The following ASTN2 variants were observed in gnomAD, a reference collection of about 807,000 sequenced individuals.
ASTN2 encodes astrotactin-2.
In ASTN2, 54 loss-of-function variants were observed where a neutral mutation model predicts 139.8. The observed-to-expected ratio is 0.39, with a 90% CI of 0.31 to 0.48. The LOEUF (loss-of-function observed/expected upper bound fraction) is 0.48. Ranked by LOEUF, ASTN2 falls within the 20% of genes least tolerant of loss-of-function variation. The pLI is 0.95. For missense variants in ASTN2, 1,565 were observed against 1,725.1 expected (o/e 0.91, Z 1.64); for synonymous variants, 756 against 719.5 (o/e 1.05, Z -0.81).
chr9:117,180,135 C>T (rs1831020780), intron 3 of ASTN2, among the ~76,000 whole-genome samples: 1 of 152,202 alleles, frequency 6.6e-6, no homozygotes, highest in Non-Finnish European at 1.5e-5. Flanking sequence ...TTCTTGATCT[C>T]TCTGCCTTTT....
intron 5 of ASTN2, among the ~76,000 whole-genome samples, chr9:117,079,076 T>C (rs977995887): frequency 3.3e-5 from 5 of 152,134 alleles, no homozygotes; most frequent in South Asian, 2.1e-4. Context: ...AAAAAGATGG[T>C]CGGGTGCAGT....
intron 13 of ASTN2, among the ~76,000 whole-genome samples, chr9:116,741,212 C>T (rs1276325783): frequency 6.6e-6 from 1 of 152,146 alleles, no homozygotes; most frequent in Non-Finnish European, 1.5e-5. Flanking sequence ...ATGCAAGAGC[C>T]ATCACCCCTC....
intron 16 of ASTN2, among the ~76,000 whole-genome samples, chr9:116,705,576 C>G (rs759227636): frequency 6.6e-6 from 1 of 152,154 alleles, no homozygotes; most frequent in Non-Finnish European, 1.5e-5. Context: ...ACCTGAGATT[C>G]CATTTATTCA....
At chr9:116,511,290 T>C (rs975211019) in intron 19 of ASTN2, among the ~76,000 whole-genome samples, 3 of 152,226 alleles carry the variant, frequency 2.0e-5, no homozygotes, top group African/African-American at 7.2e-5. Context: ...GTTCTGTTTA[T>C]ATGCTGGATT....
At chr9:116,879,831 G>A (rs1229942631) in intron 10 of ASTN2, among the ~76,000 whole-genome samples, 1 of 152,160 alleles carries the variant, frequency 6.6e-6, no homozygotes, top group Non-Finnish European at 1.5e-5. Flanking sequence ...CAAGCCCTGA[G>A]AACAGGGATT....
chr9:117,113,652 G>T (rs547857004), intron 4 of ASTN2, among the ~76,000 whole-genome samples: 8 of 145,212 alleles, frequency 5.5e-5, no homozygotes, highest in African/African-American at 2.1e-4. Flanking sequence ...GCAAAACTTC[G>T]TCTCAAAAAA....
chr9:116,803,071 T>C (rs1001730489), intron 13 of ASTN2, among the ~76,000 whole-genome samples: 4 of 152,212 alleles, frequency 2.6e-5, no homozygotes, highest in African/African-American at 9.6e-5. Context: ...ATTTTTCTAT[T>C]TTTTTAAAAC....
intron 1 of ASTN2, among the ~76,000 whole-genome samples, chr9:117,372,206 G>A (rs1286498668): frequency 6.6e-6 from 1 of 152,154 alleles, no homozygotes; most frequent in Non-Finnish European, 1.5e-5. Context: ...GGGTGATTAT[G>A]TCCTTGGCAC....
intron 11 of ASTN2, among the ~76,000 whole-genome samples, chr9:116,824,044 T>C (rs1324405130): frequency 6.6e-6 from 1 of 152,218 alleles, no homozygotes; most frequent in East Asian, 1.9e-4. Context: ...TTGGTACTTG[T>C]TATTTGCTGA....
intron 13 of ASTN2, among the ~76,000 whole-genome samples, chr9:116,788,241 G>A (rs768647301): frequency 6.6e-5 from 10 of 152,108 alleles, no homozygotes; most frequent in Non-Finnish European, 1.3e-4. Flanking sequence ...TTAGACAGGA[G>A]GAGCAAGTTT....
At chr9:116,819,996 T>A (rs1203165537) in intron 12 of ASTN2, among the ~76,000 whole-genome samples, 1 of 152,186 alleles carries the variant, frequency 6.6e-6, no homozygotes, top group Non-Finnish European at 1.5e-5. Flanking sequence ...AGCAAGTTGG[T>A]CCCAACGTGT....
intron 10 of ASTN2, among the ~76,000 whole-genome samples, chr9:116,931,585 A>G (rs1420746774): frequency 6.6e-6 from 1 of 152,216 alleles, no homozygotes; most frequent in Non-Finnish European, 1.5e-5. Context: ...TTAACTGCAC[A>G]TCGATGCCAC....
At chr9:117,031,009 T>A (rs1313592754) in intron 6 of ASTN2, among the ~76,000 whole-genome samples, 1 of 152,194 alleles carries the variant, frequency 6.6e-6, no homozygotes, top group Non-Finnish European at 1.5e-5. Flanking sequence ...GATTTCAGCA[T>A]ATTAATATGG....
intron 3 of ASTN2, among the ~76,000 whole-genome samples, chr9:117,203,048 T>C (rs989999054): frequency 6.6e-6 from 1 of 151,998 alleles, no homozygotes. Flanking sequence ...TGTTCTTTTA[T>C]CTCTATTCTT....
At chr9:116,522,554 G>T (rs551226379) in intron 19 of ASTN2, among the ~76,000 whole-genome samples, 1 of 152,202 alleles carries the variant, frequency 6.6e-6, no homozygotes, top group Admixed American at 6.6e-5. Context: ...ACTACACATT[G>T]GGTACAGTGT....
At chr9:116,784,819 C>T (rs2132211542) in intron 13 of ASTN2, among the ~76,000 whole-genome samples, 1 of 151,528 alleles carries the variant, frequency 6.6e-6, no homozygotes, top group South Asian at 2.1e-4. Context: ...ATCCCAGTTA[C>T]TCGGGAGGCT....
In ASTN2 at chr9:116,424,045, C is replaced by T. The variant is rs1847246182; in HGVS notation, c.*1806G>A. On this transcript the variant is annotated 3_prime_UTR_variant, in exon 23 of 23. Transcript: ENST00000313400. ...GGTGTCATCTTTGCATTATGATATA[C>T]CTGACCTACATCCCATCTGCTCAAG... Among the ~76,000 whole-genome samples, 1 of 152,148 alleles carries T rather than the reference C, an allele frequency of 6.6e-6. No homozygotes were observed. Among genetic ancestry groups the T allele is most frequent in the African/African-American group, 2.4e-5 (1 of 41,420 alleles).
chr9:116,870,010 C>T (rs1044585525), intron 10 of ASTN2, among the ~76,000 whole-genome samples: 4 of 150,264 alleles, frequency 2.7e-5, no homozygotes, highest in African/African-American at 9.8e-5. Context: ...ACTCAGGAAG[C>T]TGAGGTAGGA....
At chr9:116,807,412 T>A (rs1306011424) in intron 12 of ASTN2, among the ~76,000 whole-genome samples, 2 of 152,220 alleles carry the variant, frequency 1.3e-5, no homozygotes, top group African/African-American at 4.8e-5. Flanking sequence ...TGTCACTGTT[T>A]CCTTGCTTTC....
Sources: allele counts gnomAD v4.1 joint callset (sites outside exome capture counted in the v4.1 genomes callset), GRCh38; gene constraint gnomAD v4.1.1; transcripts MANE v1.5; gene names NCBI Gene and HGNC (gene_info 2026-07-23, HGNC 2026-07-21).